The following ITGA9 variants were observed in gnomAD, a reference collection of about 807,000 sequenced individuals.
The protein encoded by ITGA9 is integrin alpha-9.
ITGA9 carries 56 observed loss-of-function variants against 127.8 expected under a neutral mutation model. That is an observed-to-expected ratio of 0.44 (90% CI 0.35 to 0.55). The LOEUF is 0.55. Among genes scored for constraint, ITGA9 ranks in the 20% least tolerant of loss-of-function variants. ITGA9 has a pLI of 0.00. For missense variants in ITGA9, 1,196 were observed against 1,347.1 expected, an observed-to-expected ratio of 0.89 and a Z score of 1.76; for synonymous variants, 508 against 514.5, an observed-to-expected ratio of 0.99 and a Z score of 0.17.
At chr3:37,705,311 C>CA (rs1700992319) in intron 18 of ITGA9, among the ~76,000 whole-genome samples, 1 of 152,188 alleles carries the variant, frequency 6.6e-6, no homozygotes. Context: ...TCACTGCTGA[C>CA]AGTCATTAGC....
chr3:37,591,319 G>A (rs1202299341), intron 15 of ITGA9, among the ~76,000 whole-genome samples: 3 of 152,298 alleles, frequency 2.0e-5, no homozygotes, highest in Non-Finnish European at 2.9e-5. Flanking sequence ...TTCATATTCA[G>A]TTTAGACCTT....
chr3:37,790,453 C>T, intron 26 of ITGA9: 1 of 394,300 alleles, frequency 2.5e-6, no homozygotes, highest in Non-Finnish European at 5.1e-6. Context: ...CATCTCATAA[C>T]ATGATGCCCT....
chr3:37,473,371 T>A lies in ITGA9; in HGVS notation c.331T>A (p.Ser111Thr). 6.2e-7 allele frequency: 1 copy of A among 1,613,966 alleles called. No individual in the cohort carries two copies. The highest frequency in any genetic ancestry group is 8.5e-7 in the Non-Finnish European group (1 of 1,179,970). Residue 111 changes from serine to threonine, a missense_variant, in exon 3 of 28, where the codon TCC (serine) becomes ACC (threonine). Physicochemically the swap from Ser to Thr is moderately conservative, Grantham distance 58. Transcript: ENST00000264741. ...TTCTCCAGGGAAGAATCGGGGCACG[T>A]CCTGCGGAAAGACCTGCCGGGAAGA... ...DMARGKNRGT[S>T]CGKTCREDRD...
intron 14 of ITGA9, among the ~76,000 whole-genome samples, chr3:37,541,478 C>T (rs1699269739): frequency 6.6e-6 from 1 of 152,170 alleles, no homozygotes; most frequent in Admixed American, 6.5e-5. Flanking sequence ...TACTTATTGA[C>T]TCTGAAATAA....
chr3:37,528,560 AT>A (rs1699117854), intron 13 of ITGA9, among the ~76,000 whole-genome samples: 1 of 152,186 alleles, frequency 6.6e-6, no homozygotes, highest in South Asian at 2.1e-4. Flanking sequence ...GCTAAGGTGC[AT>A]TGACCTGTTG....
intron 2 of ITGA9, among the ~76,000 whole-genome samples, chr3:37,472,367 A>T (rs1698441917): frequency 6.6e-6 from 1 of 152,196 alleles, no homozygotes. Flanking sequence ...GTCTTTTTGC[A>T]TAAAGATTTT....
At chr3:37,536,894 C>G (rs925172297) in intron 14 of ITGA9, among the ~76,000 whole-genome samples, 1 of 152,262 alleles carries the variant, frequency 6.6e-6, no homozygotes. Flanking sequence ...CAGGAAGCAG[C>G]TGCCGCCTCC....
rs1030473825 is a variant in ITGA9 at position 37,814,957 on chromosome 3, G to A, written c.3010-3934G>A. 2.0e-5 allele frequency among the ~76,000 whole-genome samples: 3 copies of A among 152,190 alleles called. No individual in the cohort carries two copies. The highest frequency in any genetic ancestry group is 2.9e-5 in the Non-Finnish European group (2 of 68,048). ...TCTGATCTCCCATCCAAGAGATTAC[G>A]CATAGGCTGTGTTAGGAACAGGACT... On this transcript the variant is annotated intron_variant, in intron 27 of 27. Transcript: ENST00000264741. This position sits in a 1 kb window ranked among gnomAD's most constrained non-coding sequence, Gnocchi z 4.3.
intron 16 of ITGA9, among the ~76,000 whole-genome samples, chr3:37,635,581 A>G (rs1028479126): frequency 6.6e-6 from 1 of 150,998 alleles, no homozygotes; most frequent in Non-Finnish European, 1.5e-5. Flanking sequence ...ATTTTATTTT[A>G]TTTTATTTTA....
intron 23 of ITGA9, among the ~76,000 whole-genome samples, chr3:37,776,038 G>A (rs753540551): frequency 3.9e-5 from 6 of 152,186 alleles, no homozygotes; most frequent in Non-Finnish European, 8.8e-5. Context: ...GCAGGAACAT[G>A]GATGGAGCTG....
chr3:37,662,399 T>A (rs563175628), intron 17 of ITGA9, among the ~76,000 whole-genome samples: 49 of 136,056 alleles, frequency 3.6e-4, no homozygotes, highest in African/African-American at 9.3e-4. Flanking sequence ...GGCAAAAAAA[T>A]AATAATAATA....
At position 37,512,024 on chromosome 3, in the gene ITGA9, T is replaced by TTCCTTTCTTTC. The variant is rs1553643157; in HGVS notation, c.898-1738_898-1737insCCTTTCTTTCT. Among the ~76,000 whole-genome samples, 4 of 31,988 alleles carry TTCCTTTCTTTC rather than the reference T, an allele frequency of 1.3e-4. 1 individual carries two copies. The highest frequency in any genetic ancestry group is 3.0e-4 in the African/African-American group (3 of 10,092). The allele number at this position is 31,988 out of a possible 152,430, so 21.0% of individuals were successfully genotyped here. ...TTTTCTTTTCTTTTCTTTTCTTTTC[T>TTCCTTTCTTTC]TTTCTTTCTTTCTTTCTTTCTTTCT... On this transcript the variant is annotated intron_variant, in intron 8 of 27. Coordinates refer to ENST00000264741, the MANE Select transcript of ITGA9 (RefSeq NM_002207.3).
chr3:37,585,403 C>G (rs985771292), intron 15 of ITGA9, among the ~76,000 whole-genome samples: 4 of 152,208 alleles, frequency 2.6e-5, no homozygotes, highest in African/African-American at 9.7e-5. Context: ...GAATCCCTCC[C>G]TCTTTCCCCA....
rs1233875290 is a variant in ITGA9, at chr3:37,751,140, C to T, written c.2541+571C>T. ...GACAGTAATTTCTGGCATTGCTGCC[C>T]TCTGGGTCATGTGGACTGAAAACCA... is the stretch of plus-strand genomic sequence containing the variant. On this transcript the variant is annotated intron_variant, in intron 23 of 27. Coordinates refer to ENST00000264741, the MANE Select transcript of ITGA9 (RefSeq NM_002207.3). Among the ~76,000 whole-genome samples the T allele has an allele frequency of 1.3e-5, 2 of 152,234 alleles. 1 individual carries two copies. The highest frequency in any genetic ancestry group is 4.1e-4 in the South Asian group (2 of 4,828).
chr3:37,503,244 A>G lies in ITGA9; in HGVS notation c.679A>G (p.Thr227Ala), dbSNP rs768681581. The G allele has an allele frequency of 1.2e-6, 2 of 1,614,100 alleles. No homozygotes were observed. The highest frequency in any genetic ancestry group is 1.7e-6 in the Non-Finnish European group (2 of 1,179,992). ...WAGTIKVLNLTDNTYLKLNDE... is the reference protein window; with the variant it reads ...WAGTIKVLNLADNTYLKLNDE... ...TGGAACCATCAAAGTGCTGAACCTT[A>G]CGGACAACACCTATTTAAAACTGAA... The change falls in exon 6 of 28, where the codon ACG (threonine) becomes GCG (alanine). Residue 227 changes from threonine to alanine, a missense_variant. Physicochemically the swap from Thr to Ala is moderately conservative, Grantham distance 58. Transcript: ENST00000264741.
intron 16 of ITGA9, among the ~76,000 whole-genome samples, chr3:37,632,620 C>A (rs7372346): frequency 0.44 from 66,986 of 151,928 alleles, 15,013 homozygotes; most frequent in East Asian, 0.56. Flanking sequence ...TTTACAATCA[C>A]AATAAACCAA....
At chr3:37,789,605 C>A (rs2844400) in intron 26 of ITGA9, among the ~76,000 whole-genome samples, 77,166 of 140,378 alleles carry the variant, frequency 0.55, 20,968 homozygotes, top group African/African-American at 0.6. Context: ...TAAAAAATAC[C>A]AAAAAAAAAA....
chr3:37,576,363 C>T (rs1011894585), intron 15 of ITGA9, among the ~76,000 whole-genome samples: 4 of 152,192 alleles, frequency 2.6e-5, no homozygotes, highest in African/African-American at 9.6e-5. Context: ...ATATATTTTT[C>T]TTTAACAAGA....
At chr3:37,639,544 C>A (rs1272579127) in intron 16 of ITGA9, among the ~76,000 whole-genome samples, 4 of 152,006 alleles carry the variant, frequency 2.6e-5, no homozygotes, top group South Asian at 4.2e-4. Context: ...AGGGGAGAGG[C>A]CATCTGGACT....
Sources: allele counts gnomAD v4.1 joint callset (sites outside exome capture counted in the v4.1 genomes callset), GRCh38; gene constraint gnomAD v4.1.1; non-coding constraint Gnocchi (gnomAD v3.1); transcripts MANE v1.5; gene names NCBI Gene and HGNC (gene_info 2026-07-23, HGNC 2026-07-21).